Variants in VPS54 observed in about 807,000 individuals in gnomAD.
The protein encoded by VPS54 is VPS54 subunit of GARP complex.
In VPS54, 45 loss-of-function variants were observed where a neutral mutation model predicts 121.5. The ratio of observed to expected loss-of-function variants is 0.37; its 90% CI spans 0.29 to 0.47. The LOEUF (loss-of-function observed/expected upper bound fraction) is 0.47. VPS54 is among the 20% of genes least tolerant of loss of function. The pLI is 0.99. For missense variants in VPS54, 1,090 were observed against 1,131.4 expected (o/e 0.96, Z 0.52); for synonymous variants, 371 against 385.8 (o/e 0.96, Z 0.45).
intron 3 of VPS54, among the ~76,000 whole-genome samples, chr2:63,977,562 T>C (rs1330736997): frequency 6.6e-6 from 1 of 152,242 alleles, no homozygotes; most frequent in Non-Finnish European, 1.5e-5. Flanking sequence ...GCATTTCCTT[T>C]TGATTCTTAG....
At chr2:63,999,214 T>C (rs2104668625) in intron 1 of VPS54, among the ~76,000 whole-genome samples, 2 of 152,310 alleles carry the variant, frequency 1.3e-5, no homozygotes, top group South Asian at 4.1e-4. Context: ...CCTCCCAAAG[T>C]GCCAGGATTA....
chr2:63,983,856 A>G lies in VPS54; in HGVS notation c.136+8T>C, dbSNP rs76041062. On this transcript the variant is annotated splice_region_variant and intron_variant, in intron 2 of 22. Transcript: ENST00000272322. Reference sequence around the variant, plus strand: ...CAGTAAAAATCCTACAAAAAAAAAAAGCATTACCTGTGGGTTCCTTGGGAC... The same window carrying G: ...CAGTAAAAATCCTACAAAAAAAAAAGGCATTACCTGTGGGTTCCTTGGGAC... 6.3e-7 allele frequency: 1 copy of G among 1,575,730 alleles called. No homozygotes were observed. The highest frequency in any genetic ancestry group is 8.6e-7 in the Non-Finnish European group (1 of 1,165,336).
chr2:63,901,687 C>T (rs1201808324), intron 20 of VPS54, among the ~76,000 whole-genome samples: 2 of 152,114 alleles, frequency 1.3e-5, no homozygotes, highest in Non-Finnish European at 2.9e-5. Context: ...AAACTCTCAC[C>T]ACTGGGGTCA....
In VPS54 at chr2:63,959,337, A is replaced by G. The variant is rs1024294761; in HGVS notation, c.1010+2721T>C. ...TGATTCAGTATTCTTCCTTGACTAT[A>G]AAAACATTTTCTTTTAGAGTACTTT... On this transcript the variant is annotated intron_variant, in intron 7 of 22. Coordinates refer to ENST00000272322, the MANE Select transcript of VPS54 (RefSeq NM_016516.3). Among the ~76,000 whole-genome samples, 5 of 152,194 alleles carry G rather than the reference A, an allele frequency of 3.3e-5. No individual in the cohort carries two copies. The East Asian group carries it at 9.6e-4, about 29-fold the overall frequency.
At chr2:63,928,556 G>A (rs1674027282) in intron 12 of VPS54, among the ~76,000 whole-genome samples, 1 of 152,062 alleles carries the variant, frequency 6.6e-6, no homozygotes, top group Non-Finnish European at 1.5e-5. Flanking sequence ...TGCAAAAACA[G>A]GCCAAATTGT....
chr2:63,998,329 C>T (rs150516251), intron 1 of VPS54, among the ~76,000 whole-genome samples: 68 of 152,240 alleles, frequency 4.5e-4, no homozygotes, highest in African/African-American at 1.6e-3. Flanking sequence ...TTGTGGGCAA[C>T]AGATCACTGG....
At chr2:63,944,525 A>T in intron 10 of VPS54, 75 bp downstream of exon 10, 1 of 1,390,290 alleles carries the variant, frequency 7.2e-7, no homozygotes, top group Non-Finnish European at 1.0e-6. Context: ...AACGAAATCT[A>T]CTTCGAATTA....
At chr2:63,999,284 G>A (rs1283721192) in intron 1 of VPS54, among the ~76,000 whole-genome samples, 3 of 152,198 alleles carry the variant, frequency 2.0e-5, no homozygotes, top group East Asian at 1.9e-4. Context: ...CAGGTCTGGA[G>A]CTGATGAAAT....
rs117853433 is a variant in VPS54, at chr2:63,989,328, C to T, written c.-20-5309G>A. Among the ~76,000 whole-genome samples, 197 of 152,234 alleles carry T rather than the reference C, an allele frequency of 1.3e-3. 1 individual carries two copies. In the East Asian group the frequency reaches 0.02, roughly 16 times the overall value. ...TGATCTCTGTGACCCACACTCTATT[C>T]GTATACTCCCTCTTCTTTGAAAATT... On this transcript the variant is annotated intron_variant, in intron 1 of 22. Transcript: ENST00000272322.
chr2:63,942,957 G>A (rs1408559615), intron 10 of VPS54, among the ~76,000 whole-genome samples: 1 of 152,068 alleles, frequency 6.6e-6, no homozygotes, highest in African/African-American at 2.4e-5. Flanking sequence ...AAGAGCCCTG[G>A]AACCACAACA....
chr2:63,901,996 C>T (rs1672698309), intron 20 of VPS54, among the ~76,000 whole-genome samples: 1 of 152,016 alleles, frequency 6.6e-6, no homozygotes, highest in Non-Finnish European at 1.5e-5. Flanking sequence ...GCCTGGGAGA[C>T]AAGAGCAAAA....
Position 63,981,669 on chromosome 2 carries a change from C to T in VPS54, c.355G>A (p.Val119Ile), listed in dbSNP as rs538426215. The change falls in exon 3 of 23, where the codon GTA (valine) becomes ATA (isoleucine). Residue 119 changes from valine to isoleucine, a missense_variant. Physicochemically the swap from Val to Ile is conservative, Grantham distance 29. Coordinates refer to ENST00000272322, the MANE Select transcript of VPS54 (RefSeq NM_016516.3). The part of the protein sequence containing the change: ...LPQISKEHFT[V>I]YQQEISQREK... ...ACCTGAGAGATTTCCTGTTGATATA[C>T]TGTAAAATGTTCCTTGCTGATCTGT... is the stretch of plus-strand genomic sequence containing the variant. 5 of 1,602,158 alleles carry T rather than the reference C, an allele frequency of 3.1e-6. No homozygotes were observed. In the South Asian group the frequency reaches 3.4e-5, roughly 11 times the overall value.
chr2:63,982,450 A>G (rs1248106916), intron 2 of VPS54, among the ~76,000 whole-genome samples: 1 of 152,202 alleles, frequency 6.6e-6, no homozygotes, highest in African/African-American at 2.4e-5. Flanking sequence ...TTGAATTAGC[A>G]AATATTGAAC....
At chr2:63,983,434 G>A (rs1676889939) in intron 2 of VPS54, among the ~76,000 whole-genome samples, 1 of 145,294 alleles carries the variant, frequency 6.9e-6, no homozygotes, top group Non-Finnish European at 1.5e-5. Flanking sequence ...ACCACGCCGG[G>A]CCCCAAATGA....
intron 1 of VPS54, among the ~76,000 whole-genome samples, chr2:64,015,034 G>A (rs1678614646): frequency 6.6e-6 from 1 of 151,448 alleles, no homozygotes; most frequent in Admixed American, 6.6e-5. Context: ...CATAACATAA[G>A]TGTTATACAT....
intron 1 of VPS54, among the ~76,000 whole-genome samples, 182 bp from the exon 2 acceptor site, chr2:63,984,201 T>G (rs1298101145): frequency 6.6e-6 from 1 of 152,264 alleles, no homozygotes; most frequent in Non-Finnish European, 1.5e-5. Flanking sequence ...GATAGTTATT[T>G]GTCCCCATTT....
At chr2:63,993,462 C>A (rs868558434) in intron 1 of VPS54, among the ~76,000 whole-genome samples, 1 of 152,174 alleles carries the variant, frequency 6.6e-6, no homozygotes, top group Admixed American at 6.5e-5. Context: ...CACTCCCCTA[C>A]TGGGCTAATA....
chr2:63,964,366 T>C (rs1675895366), intron 6 of VPS54, among the ~76,000 whole-genome samples: 1 of 152,216 alleles, frequency 6.6e-6, no homozygotes, highest in Non-Finnish European at 1.5e-5. Flanking sequence ...TTTCAAGGCA[T>C]AACATTTTTA....
intron 20 of VPS54, among the ~76,000 whole-genome samples, chr2:63,903,098 G>A (rs1305423190): frequency 6.6e-6 from 1 of 151,898 alleles, no homozygotes; most frequent in Non-Finnish European, 1.5e-5. Flanking sequence ...CTATAAAAAA[G>A]GAAACACACA....
Sources: gnomAD v4.1 joint callset for allele counts (sites outside exome capture counted in the v4.1 genomes callset) on GRCh38, gnomAD v4.1.1 for gene constraint, MANE v1.5 for transcripts, NCBI Gene and HGNC (gene_info 2026-07-23, HGNC 2026-07-21) for gene names.